Variants in REEP3 observed in about 807,000 individuals in gnomAD.
REEP3 encodes the protein receptor accessory protein 3.
A neutral mutation model predicts 41.3 loss-of-function variants in REEP3; 20 were observed. That is an observed-to-expected ratio of 0.48 (90% CI 0.34 to 0.70). REEP3 has a LOEUF of 0.70. REEP3 is among the 30% of genes least tolerant of loss of function. The probability of loss-of-function intolerance (pLI) is 0.01; values close to 1 mark genes in which losing one functional copy is unlikely to be tolerated. For synonymous variants in REEP3, 104 were observed against 101.8 expected, an observed-to-expected ratio of 1.02 and a Z score of -0.13; for missense variants, 271 against 308.8, an observed-to-expected ratio of 0.88 and a Z score of 0.92.
chr10:63,580,099 T>C (rs1414236355), intron 2 of REEP3, among the ~76,000 whole-genome samples: 1 of 152,184 alleles, frequency 6.6e-6, no homozygotes, highest in Non-Finnish European at 1.5e-5. Context: ...TAATTTATAT[T>C]CTTGACTATA....
In REEP3 at chr10:63,611,382, A is replaced by G. The variant is rs140821631; in HGVS notation, c.565+1048A>G. Reference sequence around the variant, plus strand: ...TCAATTTGAAAATAAGATTACTCCCATGGAAAATGTGTTAAAATTACATAT... The same window carrying G: ...TCAATTTGAAAATAAGATTACTCCCGTGGAAAATGTGTTAAAATTACATAT... On this transcript the variant is annotated intron_variant, in intron 6 of 7. Coordinates refer to ENST00000373758, the MANE Select transcript of REEP3 (RefSeq NM_001001330.3). Among the ~76,000 whole-genome samples the G allele has an allele frequency of 9.0e-3, 1,368 of 152,368 alleles. 9 individuals carry two copies. Among genetic ancestry groups the G allele is most frequent in the Non-Finnish European group, 0.014 (954 of 68,032 alleles).
At chr10:63,546,028 G>A (rs768546148) in intron 1 of REEP3, among the ~76,000 whole-genome samples, 9 of 152,110 alleles carry the variant, frequency 5.9e-5, no homozygotes, top group African/African-American at 2.2e-4. Flanking sequence ...GAAGCCAACC[G>A]GGTGTAAACC....
chr10:63,536,729 A>G (rs757004725), intron 1 of REEP3, among the ~76,000 whole-genome samples: 1 of 152,266 alleles, frequency 6.6e-6, no homozygotes, highest in Non-Finnish European at 1.5e-5. Flanking sequence ...AGAGGAAACC[A>G]ATGGCAACTA....
chr10:63,561,721 C>G (rs1189185676), intron 1 of REEP3, among the ~76,000 whole-genome samples: 1 of 152,094 alleles, frequency 6.6e-6, no homozygotes, highest in Non-Finnish European at 1.5e-5. Flanking sequence ...TATTACTGGC[C>G]ACGAGTTTGA....
rs1180427513 is a variant in REEP3, at chr10:63,539,702, G to T, written c.32+18125G>T. 6.6e-5 allele frequency among the ~76,000 whole-genome samples: 10 copies of T among 152,170 alleles called. No individual in the cohort carries two copies. In the East Asian group the frequency reaches 1.7e-3, roughly 26 times the overall value. On this transcript the variant is annotated intron_variant, in intron 1 of 7. Coordinates refer to ENST00000373758, the MANE Select transcript of REEP3 (RefSeq NM_001001330.3). ...TAAGATTATCCATTGTCATAGAGAC[G>T]CTTTGGGTTCTTCATTTAGAATTAG...
At chr10:63,534,014 T>G (rs766157818) in intron 1 of REEP3, among the ~76,000 whole-genome samples, 1 of 151,964 alleles carries the variant, frequency 6.6e-6, no homozygotes, top group Non-Finnish European at 1.5e-5. Context: ...GCCCTGGAAG[T>G]ATGTAAATCT....
chr10:63,535,965 C>A (rs1159434639), intron 1 of REEP3, among the ~76,000 whole-genome samples: 1 of 152,174 alleles, frequency 6.6e-6, no homozygotes, highest in Non-Finnish European at 1.5e-5. Context: ...ATAGAGGAAG[C>A]AACAGATAAC....
chr10:63,541,819 G>T (rs185348118), intron 1 of REEP3, among the ~76,000 whole-genome samples: 1 of 152,266 alleles, frequency 6.6e-6, no homozygotes, highest in East Asian at 1.9e-4. Context: ...AAGTGGCCCT[G>T]CCCGTAGCAA....
At chr10:63,552,400 G>C (rs1955637909) in intron 1 of REEP3, among the ~76,000 whole-genome samples, 1 of 152,042 alleles carries the variant, frequency 6.6e-6, no homozygotes, top group East Asian at 1.9e-4. Context: ...CACAGAGCAA[G>C]ACTCCGTCTC....
chr10:63,604,366 C>T (rs1204055892), intron 5 of REEP3, among the ~76,000 whole-genome samples: 2 of 152,146 alleles, frequency 1.3e-5, no homozygotes, highest in Admixed American at 6.5e-5. Context: ...TAGGTGGTTT[C>T]GTGCAGATGA....
intron 1 of REEP3, among the ~76,000 whole-genome samples, chr10:63,556,910 C>G (rs932810366): frequency 1.3e-5 from 2 of 152,024 alleles, no homozygotes; most frequent in African/African-American, 4.8e-5. Flanking sequence ...GCTGGGATTA[C>G]AGGCGTGAGC....
intron 1 of REEP3, among the ~76,000 whole-genome samples, chr10:63,532,725 C>T (rs1955435048): frequency 6.6e-6 from 1 of 151,446 alleles, no homozygotes; most frequent in East Asian, 1.9e-4. Context: ...TGGTGAAACC[C>T]TGTCTCTACA....
chr10:63,525,101 G>A (rs1286191482), intron 1 of REEP3, among the ~76,000 whole-genome samples: 4 of 152,130 alleles, frequency 2.6e-5, no homozygotes, highest in Admixed American at 6.5e-5. Flanking sequence ...CACTTAAAAC[G>A]TAATAGATAT....
intron 1 of REEP3, among the ~76,000 whole-genome samples, chr10:63,544,010 A>C (rs1434027913): frequency 6.6e-6 from 1 of 152,238 alleles, no homozygotes; most frequent in East Asian, 1.9e-4. Context: ...TGTTATGAGA[A>C]CATGGAGAAA....
At chr10:63,539,150 T>G (rs1341204022) in intron 1 of REEP3, among the ~76,000 whole-genome samples, 1 of 144,030 alleles carries the variant, frequency 6.9e-6, no homozygotes, top group East Asian at 2.0e-4. Flanking sequence ...TAAATAACAC[T>G]TTTTTTTTTT....
chr10:63,613,227 G>C (rs183394130), intron 6 of REEP3, among the ~76,000 whole-genome samples: 221 of 152,216 alleles, frequency 1.5e-3, no homozygotes, highest in African/African-American at 5.0e-3. Context: ...GGTCAGGCTG[G>C]TCTCGACCTC....
At chr10:63,613,810 A>G (rs1956293431) in intron 6 of REEP3, among the ~76,000 whole-genome samples, 1 of 152,206 alleles carries the variant, frequency 6.6e-6, no homozygotes, top group Admixed American at 6.5e-5. Context: ...CAAATCTTAG[A>G]TTAAAATAAA....
At chr10:63,564,864 T>C (rs999119866) in intron 1 of REEP3, among the ~76,000 whole-genome samples, 10 of 152,174 alleles carry the variant, frequency 6.6e-5, no homozygotes, top group African/African-American at 2.4e-4. Context: ...CACAGTGTTG[T>C]GTAGAATAGT....
chr10:63,558,619 C>G (rs993378344), intron 1 of REEP3, among the ~76,000 whole-genome samples: 28 of 152,140 alleles, frequency 1.8e-4, no homozygotes, highest in African/African-American at 6.0e-4. Context: ...AGACCCCCCT[C>G]TCTACAAAAA....
Sources: gnomAD v4.1 joint callset for allele counts (sites outside exome capture counted in the v4.1 genomes callset) on GRCh38, gnomAD v4.1.1 for gene constraint, MANE v1.5 for transcripts, NCBI Gene and HGNC (gene_info 2026-07-23, HGNC 2026-07-21) for gene names.